The following DOCK7 variants were observed in gnomAD, a reference collection of about 807,000 sequenced individuals.
DOCK7 encodes dedicator of cytokinesis 7.
A neutral mutation model predicts 271.0 loss-of-function variants in DOCK7; 138 were observed. The observed-to-expected ratio is 0.51, with a 90% CI of 0.44 to 0.59. The LOEUF is 0.59. Among genes scored for constraint, DOCK7 ranks in the 20% least tolerant of loss-of-function variants. The pLI is 0.00. For synonymous variants in DOCK7, 823 were observed against 876.1 expected (o/e 0.94, Z 1.07); for missense variants, 2,066 against 2,592.4 (o/e 0.80, Z 4.41).
intron 4 of DOCK7, among the ~76,000 whole-genome samples, chr1:62,649,541 T>C (rs1034697989): frequency 6.6e-6 from 1 of 152,212 alleles, no homozygotes; most frequent in Admixed American, 6.5e-5. Flanking sequence ...TAAAGCTGCA[T>C]ACGTAAGCTG....
chr1:62,530,182 C>T (rs1234277368), intron 29 of DOCK7, among the ~76,000 whole-genome samples: 3 of 152,194 alleles, frequency 2.0e-5, no homozygotes, highest in Non-Finnish European at 1.5e-5. Flanking sequence ...CACTCTCTCT[C>T]CTTAAGCCTT....
intron 11 of DOCK7, among the ~76,000 whole-genome samples, chr1:62,626,357 A>G (rs371061039): frequency 6.6e-5 from 10 of 152,238 alleles, no homozygotes; most frequent in African/African-American, 2.4e-4. Context: ...CGAAACCAGC[A>G]GAAGGCTACA....
rs1557836099 is a variant in DOCK7, at chr1:62,634,856, G to C, written c.952C>G (p.Pro318Ala). 1 of 1,612,906 alleles carries C rather than the reference G, an allele frequency of 6.2e-7. No homozygotes were observed. Among genetic ancestry groups the C allele is most frequent in the Non-Finnish European group, 8.5e-7 (1 of 1,179,144 alleles). The change falls in exon 9 of 50, where the codon CCA becomes GCA. Residue 318 changes from proline (P) to alanine (A), a missense_variant. Transcript: ENST00000635253. ...GCCAGGGTAGTAATGGCAGCAGGTG[G>C]TACATGTGGACGTAACAACCCTTTC... ...QMKGLLRPHV[P>A]PAAITTLARS...
chr1:62,526,495 G>GA lies in DOCK7; in HGVS notation c.3936+1655dup, dbSNP rs939764065. ...AATGAAAAACAGTACAGCCACATTA[G>GA]AAAAAAAAAAAGAGTTTAGAAGTCT... On this transcript the variant is annotated intron_variant, in intron 31 of 49. Transcript: ENST00000635253. Among the ~76,000 whole-genome samples, 1,030 of 140,328 alleles carry GA rather than the reference G, an allele frequency of 7.3e-3. 1 individual carries two copies. Among genetic ancestry groups the GA allele is most frequent in the Non-Finnish European group, 0.011 (694 of 64,140 alleles). The allele number at this position is 140,328 out of a possible 152,430, so 92.1% of individuals were successfully genotyped here. A position where few individuals can be genotyped will look rare whatever the true frequency, so the allele number is the denominator to read the frequency against.
chr1:62,615,118 AATT>A (rs905782996), intron 14 of DOCK7, among the ~76,000 whole-genome samples: 8 of 151,832 alleles, frequency 5.3e-5, no homozygotes, highest in Admixed American at 1.3e-4. Context: ...GTAACACAAA[AATT>A]ATTATTTCTT....
chr1:62,589,217 C>T (rs1370073874), intron 14 of DOCK7, among the ~76,000 whole-genome samples: 1 of 152,128 alleles, frequency 6.6e-6, no homozygotes, highest in African/African-American at 2.4e-5. Context: ...CCATTACCTG[C>T]CAGTTTGCAA....
In DOCK7 at chr1:62,583,541, G is replaced by A. The variant is rs1690764; in HGVS notation, c.1801-287C>T. Among the ~76,000 whole-genome samples, 3,166 of 152,146 alleles carry A rather than the reference G, an allele frequency of 0.021. 117 individuals are homozygous for A. The highest frequency in any genetic ancestry group is 0.072 in the African/African-American group (2,993 of 41,492). ...ATTTCTTTCCTTTTTCTTAAAGAAGGTGAAGAATTCACTTTTAAATCAGAT... is the reference window on the plus strand; with the variant it reads ...ATTTCTTTCCTTTTTCTTAAAGAAGATGAAGAATTCACTTTTAAATCAGAT... On this transcript the variant is annotated intron_variant, in intron 15 of 49. Transcript: ENST00000635253.
At chr1:62,548,385 A>T (rs1414481192) in intron 22 of DOCK7, among the ~76,000 whole-genome samples, 2 of 151,586 alleles carry the variant, frequency 1.3e-5, no homozygotes, top group Admixed American at 6.6e-5. Flanking sequence ...TGCTCAGAGG[A>T]ATGACATAAT....
At chr1:62,645,657 C>G (rs923739059) in intron 7 of DOCK7, among the ~76,000 whole-genome samples, 1 of 152,136 alleles carries the variant, frequency 6.6e-6, no homozygotes, top group East Asian at 1.9e-4. Flanking sequence ...GAATTGTATG[C>G]TTGGTGAACT....
At chr1:62,645,556 A>G (rs1656544730) in intron 7 of DOCK7, among the ~76,000 whole-genome samples, 1 of 152,216 alleles carries the variant, frequency 6.6e-6, no homozygotes, top group Non-Finnish European at 1.5e-5. Context: ...TACTATTAAC[A>G]AATATGAGAT....
intron 31 of DOCK7, among the ~76,000 whole-genome samples, chr1:62,527,670 T>C (rs1016527354): frequency 1.0e-4 from 15 of 144,074 alleles, no homozygotes; most frequent in Admixed American, 3.7e-4. Context: ...TAGGTGGGAA[T>C]TGAACAATGA....
chr1:62,601,309 T>C, intron 14 of DOCK7: 1 of 784,500 alleles, frequency 1.3e-6, no homozygotes, highest in South Asian at 1.5e-5. Flanking sequence ...ATACAATGTA[T>C]CAACCTAAAC....
intron 37 of DOCK7, among the ~76,000 whole-genome samples, chr1:62,504,423 A>AT (rs1274934006): frequency 6.6e-6 from 1 of 152,186 alleles, no homozygotes; most frequent in East Asian, 1.9e-4. Flanking sequence ...ATATACATAC[A>AT]TACATACATA....
chr1:62,625,232 C>A, intron 12 of DOCK7, 27 bp downstream of exon 12: 1 of 1,608,070 alleles, frequency 6.2e-7, no homozygotes, highest in South Asian at 1.1e-5. Flanking sequence ...AACATCTCCC[C>A]AAAATTCCTA....
chr1:62,576,391 G>A (rs1442150841), intron 18 of DOCK7, among the ~76,000 whole-genome samples: 1 of 152,190 alleles, frequency 6.6e-6, no homozygotes, highest in Non-Finnish European at 1.5e-5. Context: ...GAAGAGCAAA[G>A]GGCCTGAAAT....
At chr1:62,499,536 A>G (rs980609919) in intron 37 of DOCK7, among the ~76,000 whole-genome samples, 4 of 152,162 alleles carry the variant, frequency 2.6e-5, no homozygotes, top group African/African-American at 9.7e-5. Context: ...ATCCTAGGGC[A>G]CAGATTTTAG....
Position 62,455,116 on chromosome 1 carries a change from C to T in DOCK7, c.*298G>A, listed in dbSNP as rs866803433. ...AAATGGTAATATAAATTAAAAAATA[C>T]GAACTTAAAGTGAATAAATTTTTAA... On this transcript the variant is annotated 3_prime_UTR_variant, in exon 50 of 50. Transcript: ENST00000635253. 3.1e-4 allele frequency: 157 copies of T among 504,700 alleles called. 2 individuals are homozygous for T. The highest frequency in any genetic ancestry group is 1.3e-3 in the Middle Eastern group (3 of 2,338). The allele number at this position is 504,700 out of a possible 1,614,324, so 31.3% of individuals were successfully genotyped here.
chr1:62,602,478 C>A (rs554562141), intron 14 of DOCK7: 1 of 1,014,566 alleles, frequency 9.9e-7, no homozygotes. Flanking sequence ...TAGTAACGAA[C>A]GAGAAGCAGT....
chr1:62,651,542 T>C (rs1295564485), intron 4 of DOCK7, among the ~76,000 whole-genome samples: 2 of 150,424 alleles, frequency 1.3e-5, no homozygotes, highest in Non-Finnish European at 3.0e-5. Flanking sequence ...AAGAATTCTG[T>C]GGCTTCATCT....
Sources: gnomAD v4.1 joint callset for allele counts (sites outside exome capture counted in the v4.1 genomes callset) on GRCh38, gnomAD v4.1.1 for gene constraint, MANE v1.5 for transcripts, NCBI Gene and HGNC (gene_info 2026-07-23, HGNC 2026-07-21) for gene names.